The following CEACAM1 variants were observed in gnomAD, a reference collection of about 807,000 sequenced individuals.
CEACAM1 encodes CEA cell adhesion molecule 1.
A neutral mutation model predicts 49.1 loss-of-function variants in CEACAM1; 31 were observed. The observed-to-expected ratio is 0.63, with a 90% CI of 0.47 to 0.85. CEACAM1 has a LOEUF of 0.85. CEACAM1 is among the 40% of genes least tolerant of loss of function. The pLI is 0.00. For missense variants in CEACAM1, 570 were observed against 645.3 expected (o/e 0.88, Z 1.26); for synonymous variants, 244 against 247.8 (o/e 0.98, Z 0.14).
At chr19:42,528,072 A>G (rs1399987123) in intron 1 of CEACAM1, among the ~76,000 whole-genome samples, 2 of 152,170 alleles carry the variant, frequency 1.3e-5, no homozygotes, top group Non-Finnish European at 2.9e-5. Flanking sequence ...AGTTTTTGAA[A>G]TTTATTGCTC....
intron 5 of CEACAM1, among the ~76,000 whole-genome samples, chr19:42,514,134 C>CT (rs113780562): frequency 0.09 from 11,903 of 132,510 alleles, 1,952 homozygotes; most frequent in African/African-American, 0.32. Flanking sequence ...TTTTTTCTTT[C>CT]TTTTTTTTTT....
chr19:42,528,120 T>C (rs944446100), intron 1 of CEACAM1, among the ~76,000 whole-genome samples, 191 bp downstream of exon 1: 2 of 152,208 alleles, frequency 1.3e-5, no homozygotes, highest in African/African-American at 4.8e-5. Flanking sequence ...AAATGGGAGA[T>C]TGTTTATTCA....
chr19:42,524,497 G>C (rs960556599), intron 2 of CEACAM1, among the ~76,000 whole-genome samples: 7 of 152,202 alleles, frequency 4.6e-5, no homozygotes, highest in Non-Finnish European at 5.9e-5. Flanking sequence ...CCACATGTCA[G>C]CCTCACTGAG....
chr19:42,512,805 A>G (rs969896268), intron 5 of CEACAM1, among the ~76,000 whole-genome samples: 1 of 151,754 alleles, frequency 6.6e-6, no homozygotes, highest in Non-Finnish European at 1.5e-5. Flanking sequence ...AGGCTGGACT[A>G]CAGGCACGTG....
intron 4 of CEACAM1, chr19:42,520,530 A>AT (rs879790758): frequency 3.4e-4 from 50 of 148,388 alleles, no homozygotes; most frequent in South Asian, 8.6e-4. Flanking sequence ...GCCTGGCTAA[A>AT]TTTTTTTTTT....
At chr19:42,511,066 C>G in intron 7 of CEACAM1, 146 bp from the exon 8 acceptor site, 1 of 724,944 alleles carries the variant, frequency 1.4e-6, no homozygotes, top group Non-Finnish European at 2.4e-6. Flanking sequence ...TGGTCCAGAC[C>G]CAGCATGTTA....
At position 42,508,543 on chromosome 19, in the gene CEACAM1, G is replaced by A. The variant is rs1184276330; in HGVS notation, c.*566C>T. Reference sequence around the variant, plus strand: ...AGGTGCTTAGACCCTGATCCTACAGGTAGACAACCCTGACAGTGGACAAAG... The same window carrying A: ...AGGTGCTTAGACCCTGATCCTACAGATAGACAACCCTGACAGTGGACAAAG... On this transcript the variant is annotated 3_prime_UTR_variant, in exon 9 of 9. Transcript: ENST00000161559. 1 of 153,058 alleles carries A rather than the reference G, an allele frequency of 6.5e-6. No individual in the cohort carries two copies. The highest frequency in any genetic ancestry group is 1.5e-5 in the Non-Finnish European group (1 of 68,640). The allele number at this position is 153,058 out of a possible 1,614,324, so 9.5% of individuals were successfully genotyped here. A position where few individuals can be genotyped will look rare whatever the true frequency, so the allele number is the denominator to read the frequency against.
intron 3 of CEACAM1, among the ~76,000 whole-genome samples, 195 bp downstream of exon 3, chr19:42,521,729 G>A (rs956350246): frequency 3.9e-5 from 6 of 152,208 alleles, no homozygotes; most frequent in African/African-American, 1.4e-4. Context: ...CAGGACAGGA[G>A]CAGCCTCTCC....
chr19:42,517,750 A>G (rs2041634621), intron 5 of CEACAM1, among the ~76,000 whole-genome samples: 1 of 152,246 alleles, frequency 6.6e-6, no homozygotes, highest in Non-Finnish European at 1.5e-5. Flanking sequence ...GAAATGGTAT[A>G]GCCACTGTGG....
chr19:42,508,904 C>A lies in CEACAM1; in HGVS notation c.*205G>T. ...TTCAATGACAAGAAGGTTGGGTTTCCTACAGACTCCCAATGTACTTTCATC... is the reference window on the plus strand; with the variant it reads ...TTCAATGACAAGAAGGTTGGGTTTCATACAGACTCCCAATGTACTTTCATC... On this transcript the variant is annotated 3_prime_UTR_variant, in exon 9 of 9. Transcript: ENST00000161559. 1 of 523,922 alleles carries A rather than the reference C, an allele frequency of 1.9e-6. No homozygotes were observed. The allele number at this position is 523,922 out of a possible 1,614,324, so 32.5% of individuals were successfully genotyped here.
At chr19:42,510,659 C>T (rs1780786296) in intron 8 of CEACAM1, among the ~76,000 whole-genome samples, 1 of 152,206 alleles carries the variant, frequency 6.6e-6, no homozygotes, top group African/African-American at 2.4e-5. Context: ...ACAAGGGTCA[C>T]AGAGCTACTA....
rs1242217662 is a variant in CEACAM1 at position 42,517,023 on chromosome 19, A to G, written c.1246+1925T>C. ...AATAAAATATAGAGCCCAGAAAGAA[A>G]TGTTTGCATACATAGCCAAATGTTT... On this transcript the variant is annotated intron_variant, in intron 5 of 8. Coordinates refer to ENST00000161559, the MANE Select transcript of CEACAM1 (RefSeq NM_001712.5). Among the ~76,000 whole-genome samples the G allele has an allele frequency of 2.6e-5, 4 of 152,358 alleles. No individual in the cohort carries two copies. In the East Asian group the frequency reaches 7.7e-4, roughly 29 times the overall value.
chr19:42,521,868 TG>T, intron 3 of CEACAM1, 55 bp downstream of exon 3: 8 of 1,613,210 alleles, frequency 5.0e-6, no homozygotes, highest in Non-Finnish European at 5.1e-6. Flanking sequence ...GCCTGGCCTC[TG>T]GCTGCGTGGA....
chr19:42,525,012 G>A (rs1383785392), intron 2 of CEACAM1, among the ~76,000 whole-genome samples: 1 of 152,146 alleles, frequency 6.6e-6, no homozygotes, highest in Non-Finnish European at 1.5e-5. Flanking sequence ...AGTCTCTAAA[G>A]AGGTTATGGA....
At chr19:42,513,618 T>G (rs980420978) in intron 5 of CEACAM1, among the ~76,000 whole-genome samples, 2 of 151,050 alleles carry the variant, frequency 1.3e-5, no homozygotes, top group Non-Finnish European at 3.0e-5. Flanking sequence ...AAACAAAAAC[T>G]GCACTTCAAT....
At chr19:42,526,929 A>G in intron 2 of CEACAM1, 112 bp downstream of exon 2, 1 of 1,511,070 alleles carries the variant, frequency 6.6e-7, no homozygotes, top group Non-Finnish European at 8.9e-7. Flanking sequence ...CTCAAACCTT[A>G]ACATGGGGTA....
At chr19:42,517,479 A>G (rs1228015442) in intron 5 of CEACAM1, among the ~76,000 whole-genome samples, 1 of 152,232 alleles carries the variant, frequency 6.6e-6, no homozygotes, top group Admixed American at 6.5e-5. Context: ...AACTCAACCA[A>G]AAATCCCCAA....
At chr19:42,511,202 G>T (rs148967538) in intron 7 of CEACAM1, 40 of 576,012 alleles carry the variant, frequency 6.9e-5, no homozygotes, top group African/African-American at 6.0e-4. Context: ...CAGTGGCAAG[G>T]AGGGGCATTG....
chr19:42,524,597 C>T (rs2041842700), intron 2 of CEACAM1, among the ~76,000 whole-genome samples: 2 of 152,094 alleles, frequency 1.3e-5, no homozygotes, highest in South Asian at 2.1e-4. Context: ...GGGAGGTGGG[C>T]CTGGCCACAG....
Sources: allele counts gnomAD v4.1 joint callset (sites outside exome capture counted in the v4.1 genomes callset), GRCh38; gene constraint gnomAD v4.1.1; transcripts MANE v1.5; gene names NCBI Gene and HGNC (gene_info 2026-07-23, HGNC 2026-07-21).